Variants in HYDIN observed in about 807,000 individuals in gnomAD.
The protein encoded by HYDIN is HYDIN axonemal central pair apparatus protein, also known as axonemal central pair apparatus protein HYDIN.
HYDIN carries 132 observed loss-of-function variants against 403.9 expected under a neutral mutation model. The ratio of observed to expected loss-of-function variants is 0.33; its 90% CI spans 0.28 to 0.38. The LOEUF (loss-of-function observed/expected upper bound fraction) is 0.38. Among genes scored for constraint, HYDIN ranks in the 10% least tolerant of loss-of-function variants. The probability of loss-of-function intolerance (pLI) is 1.00; values close to 1 mark genes in which losing one functional copy is unlikely to be tolerated. For synonymous variants in HYDIN, 1,202 were observed against 1,891.7 expected (o/e 0.64, Z 9.46); for missense variants, 2,827 against 5,009.5 (o/e 0.56, Z 13.15).
Position 71,022,349 on chromosome 16 carries a change from C to T in HYDIN, c.3187-2032G>A, listed in dbSNP as rs906080105. ...CAGCAGACAGAATGTGCTGCTGGAA[C>T]TTCATGAAGAAAAGTGGCTGCTAGT... On this transcript the variant is annotated intron_variant, in intron 21 of 85. Transcript: ENST00000393567. Among the ~76,000 whole-genome samples the T allele has an allele frequency of 9.9e-5, 15 of 152,198 alleles. 1 individual carries two copies. Among genetic ancestry groups the T allele is most frequent in the Admixed American group, 6.5e-5 (1 of 15,284 alleles).
chr16:71,038,697 G>A (rs1427107063), intron 18 of HYDIN, among the ~76,000 whole-genome samples: 13 of 152,402 alleles, frequency 8.5e-5, no homozygotes, highest in African/African-American at 3.1e-4. Flanking sequence ...GTCTCACTCT[G>A]TCACCCAGGC....
At chr16:70,875,910 T>C (rs2143667132) in intron 62 of HYDIN, among the ~76,000 whole-genome samples, 1 of 152,304 alleles carries the variant, frequency 6.6e-6, no homozygotes. Flanking sequence ...AACTAGATGC[T>C]AAAACATATT....
intron 72 of HYDIN, among the ~76,000 whole-genome samples, chr16:70,855,751 C>T (rs2038984540): frequency 6.6e-6 from 1 of 152,286 alleles, no homozygotes; most frequent in Non-Finnish European, 1.5e-5. Context: ...TTACGCTTTC[C>T]TCTTGGCTAT....
chr16:70,931,217 T>TTG (rs1177924383), intron 45 of HYDIN, among the ~76,000 whole-genome samples: 1 of 110,368 alleles, frequency 9.1e-6, no homozygotes, highest in Non-Finnish European at 1.9e-5. Context: ...TCTGTTTTTT[T>TTG]TTTTTTTTTT....
chr16:71,068,470 T>C (rs1352056964), intron 14 of HYDIN, among the ~76,000 whole-genome samples: 1 of 151,622 alleles, frequency 6.6e-6, no homozygotes, highest in Non-Finnish European at 1.5e-5. Flanking sequence ...AGAATCCTAG[T>C]GTGACTGTAA....
intron 18 of HYDIN, among the ~76,000 whole-genome samples, chr16:71,037,556 G>C (rs984836356): frequency 7.3e-5 from 11 of 151,580 alleles, no homozygotes; most frequent in Non-Finnish European, 1.5e-4. Context: ...CAGATAGGGA[G>C]ATTATCCTCA....
At chr16:71,205,178 G>C (rs1018870044) in intron 1 of HYDIN, among the ~76,000 whole-genome samples, 16 of 152,212 alleles carry the variant, frequency 1.1e-4, no homozygotes, top group African/African-American at 3.4e-4. Context: ...GCCACTCTCA[G>C]AGAGGGAACA....
chr16:71,176,414 C>T (rs1215363172), intron 4 of HYDIN, among the ~76,000 whole-genome samples: 1 of 152,062 alleles, frequency 6.6e-6, no homozygotes, highest in Non-Finnish European at 1.5e-5. Context: ...CATTTGAGAA[C>T]TGCTCTGAGA....
intron 36 of HYDIN, among the ~76,000 whole-genome samples, chr16:70,966,770 A>G (rs1017352881): frequency 6.6e-6 from 1 of 152,220 alleles, no homozygotes; most frequent in Non-Finnish European, 1.5e-5. Context: ...CATTCCCATG[A>G]TCTCTGCCTG....
intron 6 of HYDIN, among the ~76,000 whole-genome samples, chr16:71,161,417 C>T (rs8060895): frequency 5.3e-5 from 8 of 152,330 alleles, no homozygotes; most frequent in Admixed American, 2.0e-4. Context: ...GTTCATGGCC[C>T]GGGGGTTGGG....
intron 7 of HYDIN, among the ~76,000 whole-genome samples, 166 bp downstream of exon 7, chr16:71,152,493 T>C (rs796801170): frequency 6.6e-6 from 1 of 151,542 alleles, no homozygotes; most frequent in Non-Finnish European, 1.5e-5. Flanking sequence ...CAGTGTGTAG[T>C]CTTTTATCCC....
At chr16:70,965,705 C>A (rs2078552089) in intron 36 of HYDIN, among the ~76,000 whole-genome samples, 1 of 152,080 alleles carries the variant, frequency 6.6e-6, no homozygotes, top group Non-Finnish European at 1.5e-5. Context: ...GTTATTTGAA[C>A]ACCACTGCTA....
rs1168608889 is a variant in HYDIN, at chr16:70,848,329, C to T, written c.12873+1397G>A. On this transcript the variant is annotated intron_variant, in intron 75 of 85. Transcript: ENST00000393567. ...GTCTATTAAGTCCAACATCTGGGCT[C>T]CCTCAGAGACAACTTCTATTCATTG... 2.6e-5 allele frequency among the ~76,000 whole-genome samples: 4 copies of T among 151,960 alleles called. No homozygotes were observed. The East Asian group carries it at 7.7e-4, about 29-fold the overall frequency.
At chr16:70,855,735 A>G (rs2038982322) in intron 72 of HYDIN, among the ~76,000 whole-genome samples, 1 of 152,260 alleles carries the variant, frequency 6.6e-6, no homozygotes, top group Non-Finnish European at 1.5e-5. Flanking sequence ...TTCTCTCACT[A>G]TCATCTTACG....
chr16:71,117,802 G>A (rs2084098084), intron 9 of HYDIN, among the ~76,000 whole-genome samples: 1 of 152,088 alleles, frequency 6.6e-6, no homozygotes, highest in Non-Finnish European at 1.5e-5. Context: ...TATCAAACAA[G>A]AGGGAGAAAA....
intron 75 of HYDIN, among the ~76,000 whole-genome samples, chr16:70,849,048 C>A (rs1225680438): frequency 6.6e-6 from 1 of 152,154 alleles, no homozygotes; most frequent in Non-Finnish European, 1.5e-5. Flanking sequence ...TTCCACTGAA[C>A]TTCTAGACAA....
chr16:70,877,944 C>T (rs949239551), intron 62 of HYDIN, among the ~76,000 whole-genome samples: 1 of 152,020 alleles, frequency 6.6e-6, no homozygotes, highest in African/African-American at 2.4e-5. Flanking sequence ...ATAGAGACTT[C>T]ACCACCAGCA....
intron 76 of HYDIN, among the ~76,000 whole-genome samples, chr16:70,838,097 T>A (rs1261749137): frequency 6.6e-6 from 1 of 152,096 alleles, no homozygotes; most frequent in African/African-American, 2.4e-5. Context: ...CCAAGTCACA[T>A]CCTGAGATCC....
chr16:70,861,446 A>G (rs895997718), intron 69 of HYDIN, among the ~76,000 whole-genome samples: 6 of 152,064 alleles, frequency 3.9e-5, no homozygotes, highest in African/African-American at 1.4e-4. Context: ...TACTCCTTCA[A>G]GTTTTCCTGG....
Sources: gnomAD v4.1 joint callset for allele counts (sites outside exome capture counted in the v4.1 genomes callset) on GRCh38, gnomAD v4.1.1 for gene constraint, MANE v1.5 for transcripts, NCBI Gene and HGNC (gene_info 2026-07-23, HGNC 2026-07-21) for gene names.